The following RPTOR variants were observed in gnomAD, a reference collection of about 807,000 sequenced individuals.
RPTOR encodes regulatory-associated protein of mTOR.
In RPTOR, 21 loss-of-function variants were observed where a neutral mutation model predicts 169.9. The ratio of observed to expected loss-of-function variants is 0.12; its 90% CI spans 0.09 to 0.18. The LOEUF is 0.18. Among genes scored for constraint, RPTOR ranks in the 10% least tolerant of loss-of-function variants. The probability of loss-of-function intolerance (pLI) is 1.00; values close to 1 mark genes in which losing one functional copy is unlikely to be tolerated. For synonymous variants in RPTOR, 732 were observed against 753.2 expected (o/e 0.97, Z 0.46); for missense variants, 1,133 against 1,855.9 (o/e 0.61, Z 7.16).
chr17:80,770,252 G>T (rs566421599), intron 6 of RPTOR, among the ~76,000 whole-genome samples: 51 of 152,330 alleles, frequency 3.3e-4, no homozygotes, highest in African/African-American at 1.2e-3. Flanking sequence ...CACTCAGGAT[G>T]GCGGAGCCTT....
intron 20 of RPTOR, among the ~76,000 whole-genome samples, chr17:80,907,430 C>A (rs1200621911): frequency 6.6e-6 from 1 of 152,270 alleles, no homozygotes; most frequent in African/African-American, 2.4e-5. Context: ...CAGCGCCTGG[C>A]CCCGCTCTGC....
intron 24 of RPTOR, among the ~76,000 whole-genome samples, chr17:80,930,269 C>T (rs2068867020): frequency 1.3e-5 from 2 of 148,798 alleles, no homozygotes; most frequent in South Asian, 2.2e-4. Context: ...AGCTCATCCT[C>T]AGCTCATCCC....
chr17:80,822,133 C>G, intron 7 of RPTOR, 68 bp from the exon 8 acceptor site: 2 of 1,499,522 alleles, frequency 1.3e-6, no homozygotes, highest in Non-Finnish European at 1.9e-6. Context: ...TTTTTTCTTG[C>G]AACCTCTCTT....
At chr17:80,843,581 C>T (rs1043544195) in intron 10 of RPTOR, among the ~76,000 whole-genome samples, 83 of 151,972 alleles carry the variant, frequency 5.5e-4, no homozygotes, top group African/African-American at 1.9e-3. Flanking sequence ...CCCTACAGAG[C>T]CGTACAGGGG....
Position 80,723,197 on chromosome 17 carries a change from G to A in RPTOR, c.508-7363G>A, listed in dbSNP as rs1177753316. ...GTGGTGCCTTGTGTGTTTCTCCAAT[G>A]TGAAGTTGTTATTTTCTTTATAATT... On this transcript the variant is annotated intron_variant, in intron 4 of 33. Coordinates refer to ENST00000306801, the MANE Select transcript of RPTOR (RefSeq NM_020761.3). Among the ~76,000 whole-genome samples the A allele has an allele frequency of 1.7e-5, 2 of 114,364 alleles. 1 individual carries two copies. Among genetic ancestry groups the A allele is most frequent in the African/African-American group, 7.6e-5 (2 of 26,334 alleles). The allele number at this position is 114,364 out of a possible 152,430, so 75.0% of individuals were successfully genotyped here.
intron 14 of RPTOR, among the ~76,000 whole-genome samples, chr17:80,881,903 T>C (rs1184842642): frequency 6.6e-6 from 1 of 152,236 alleles, no homozygotes; most frequent in African/African-American, 2.4e-5. Flanking sequence ...CCATCAACCA[T>C]TGTTTTGTTT....
intron 7 of RPTOR, among the ~76,000 whole-genome samples, chr17:80,809,117 G>A (rs2067247731): frequency 6.6e-6 from 1 of 152,230 alleles, no homozygotes; most frequent in Non-Finnish European, 1.5e-5. Context: ...GCTGACCTGA[G>A]TTCCTGCCAG....
chr17:80,675,431 T>A (rs1276149731), intron 3 of RPTOR, among the ~76,000 whole-genome samples: 1 of 152,194 alleles, frequency 6.6e-6, no homozygotes, highest in African/African-American at 2.4e-5. Context: ...CTCCTCTCTG[T>A]TTATTACTAG....
intron 3 of RPTOR, among the ~76,000 whole-genome samples, chr17:80,689,366 C>T (rs113650646): frequency 7.8e-4 from 119 of 152,310 alleles, no homozygotes; most frequent in East Asian, 4.0e-3. Flanking sequence ...GTAGCAGGGG[C>T]GGAGGACGCC....
chr17:80,823,291 T>C lies in RPTOR; in HGVS notation c.1136+68T>C, dbSNP rs943388224. 5.1e-6 allele frequency: 8 copies of C among 1,580,570 alleles called. No homozygotes were observed. In the African/African-American group the frequency reaches 1.1e-4, roughly 21 times the overall value. ...TCCGTGGCACTGTGATGTCATGGAATTGCACGGAGCTGGGCAGGGAGGCCC... is the reference window on the plus strand; with the variant it reads ...TCCGTGGCACTGTGATGTCATGGAACTGCACGGAGCTGGGCAGGGAGGCCC... On this transcript the variant is annotated intron_variant, in intron 9 of 33. Coordinates refer to ENST00000306801, the MANE Select transcript of RPTOR (RefSeq NM_020761.3). The surrounding 1 kb of genome is among the most constrained non-coding windows in gnomAD (Gnocchi z 4.5).
chr17:80,706,634 A>G (rs909335660), intron 3 of RPTOR, among the ~76,000 whole-genome samples: 3 of 152,188 alleles, frequency 2.0e-5, no homozygotes, highest in African/African-American at 7.2e-5. Flanking sequence ...CGCTGTCTTA[A>G]TGAGAGGCCC....
In RPTOR at chr17:80,695,824, G is replaced by C. The variant is rs1024860530; in HGVS notation, c.349-12017G>C. On this transcript the variant is annotated intron_variant, in intron 3 of 33. Transcript: ENST00000306801. The surrounding 1 kb of genome is among the most constrained non-coding windows in gnomAD (Gnocchi z 4.9). Reference sequence around the variant, plus strand: ...GCACCAAGGCCAGGGAGGAGCGTTGGGGGTGGCTGGAGCTGGTGGGCCAAG... The same window carrying C: ...GCACCAAGGCCAGGGAGGAGCGTTGCGGGTGGCTGGAGCTGGTGGGCCAAG... 1.3e-5 allele frequency among the ~76,000 whole-genome samples: 2 copies of C among 152,220 alleles called. No individual in the cohort carries two copies. The highest frequency in any genetic ancestry group is 6.5e-5 in the Admixed American group (1 of 15,294).
chr17:80,738,086 T>C (rs1488479835), intron 5 of RPTOR, among the ~76,000 whole-genome samples: 1 of 151,778 alleles, frequency 6.6e-6, no homozygotes, highest in Non-Finnish European at 1.5e-5. Context: ...AGGAAATAGG[T>C]CACGGGAGAA....
chr17:80,545,802 T>G lies in RPTOR; in HGVS notation c.162+11T>G. ...AGGATGAAGGATCGGGTAAGTGGAT[T>G]CTGAAGGCACCCCTTGAACTTGGTA... On this transcript the variant is annotated intron_variant, in intron 1 of 33. Coordinates refer to ENST00000306801, the MANE Select transcript of RPTOR (RefSeq NM_020761.3). 6.3e-7 allele frequency: 1 copy of G among 1,591,298 alleles called. No homozygotes were observed. Among genetic ancestry groups the G allele is most frequent in the Non-Finnish European group, 8.6e-7 (1 of 1,168,284 alleles).
In RPTOR at chr17:80,625,759, G is replaced by A. The variant is rs1439981239; in HGVS notation, c.231G>A (p.Lys77=). The A allele has an allele frequency of 6.2e-7, 1 of 1,613,168 alleles. No individual in the cohort carries two copies. Among genetic ancestry groups the A allele is most frequent in the Non-Finnish European group, 8.5e-7 (1 of 1,179,606 alleles). The change falls in exon 2 of 34, where the codon AAG becomes AAA. Residue 77 remains lysine, a synonymous_variant. Coordinates refer to ENST00000306801, the MANE Select transcript of RPTOR (RefSeq NM_020761.3). ...GTGTGGACCCTCCCGATGTGGTGAA[G>A]ACCACGCCCTGTGCACGCTTGGAAT... is the stretch of plus-strand genomic sequence containing the variant. The part of the protein sequence containing the change: ...NVGVDPPDVV[K]TTPCARLECW...
intron 1 of RPTOR, among the ~76,000 whole-genome samples, chr17:80,547,540 C>A (rs575276438): frequency 6.6e-6 from 1 of 152,244 alleles, no homozygotes; most frequent in Admixed American, 6.5e-5. Context: ...ACTGAGATTG[C>A]TGCTTAGAAA....
At chr17:80,958,797 G>A (rs766251568) in intron 29 of RPTOR, among the ~76,000 whole-genome samples, 16 of 152,218 alleles carry the variant, frequency 1.1e-4, no homozygotes, top group Non-Finnish European at 1.9e-4. Flanking sequence ...AGACAGCCTG[G>A]AAAAGTGGTA....
intron 1 of RPTOR, among the ~76,000 whole-genome samples, chr17:80,602,313 G>GGGC: frequency 1.4e-5 from 1 of 69,190 alleles, no homozygotes; most frequent in Non-Finnish European, 3.0e-5. Context: ...TTCCCAGTAG[G>GGGC]GGCGGCCGGG....
intron 1 of RPTOR, among the ~76,000 whole-genome samples, chr17:80,564,028 A>G (rs1168229511): frequency 1.3e-5 from 2 of 151,598 alleles, no homozygotes; most frequent in Non-Finnish European, 2.9e-5. Flanking sequence ...CATTTCGGCT[A>G]CTAAAATTGT....
Sources: gnomAD v4.1 joint callset for allele counts (sites outside exome capture counted in the v4.1 genomes callset) on GRCh38, gnomAD v4.1.1 for gene constraint, Gnocchi (gnomAD v3.1) non-coding constraint, MANE v1.5 for transcripts, NCBI Gene and HGNC (gene_info 2026-07-23, HGNC 2026-07-21) for gene names.